The following CALN1 variants were observed in gnomAD, a reference collection of about 807,000 sequenced individuals.
CALN1 encodes the protein calneuron 1.
In CALN1, 17 loss-of-function variants were observed where a neutral mutation model predicts 30.6. The ratio of observed to expected loss-of-function variants is 0.56; its 90% CI spans 0.38 to 0.83. The LOEUF (loss-of-function observed/expected upper bound fraction) is 0.83. Among genes scored for constraint, CALN1 ranks in the 40% least tolerant of loss-of-function variants. The pLI, the probability that CALN1 is intolerant of heterozygous loss-of-function variation, is 0.00. For missense variants in CALN1, 291 were observed against 354.9 expected, an observed-to-expected ratio of 0.82 and a Z score of 1.45; for synonymous variants, 156 against 131.4, an observed-to-expected ratio of 1.19 and a Z score of -1.28.
chr7:71,960,312 A>G (rs950384196), intron 5 of CALN1, among the ~76,000 whole-genome samples: 2 of 152,134 alleles, frequency 1.3e-5, no homozygotes, highest in Admixed American at 1.3e-4. Context: ...AATTTTTCAA[A>G]TCTTACTTCC....
intron 3 of CALN1, among the ~76,000 whole-genome samples, chr7:72,207,998 CAA>C (rs1792018166): frequency 6.6e-6 from 1 of 152,122 alleles, no homozygotes; most frequent in Non-Finnish European, 1.5e-5. Flanking sequence ...ATTTTCTTAT[CAA>C]TGTATTGTTA....
intron 2 of CALN1, among the ~76,000 whole-genome samples, chr7:72,331,293 T>C (rs1382099721): frequency 1.3e-5 from 2 of 151,538 alleles, no homozygotes; most frequent in African/African-American, 2.4e-5. Context: ...GAAGTTGCAG[T>C]GAGCCGAGAT....
intron 1 of CALN1, among the ~76,000 whole-genome samples, chr7:72,431,066 A>G (rs1387881236): frequency 6.9e-6 from 1 of 143,950 alleles, no homozygotes; most frequent in Non-Finnish European, 1.5e-5. Context: ...AGTAGCTGGG[A>G]TTACAGGCCT....
chr7:72,052,508 G>A (rs1802902012), intron 4 of CALN1, among the ~76,000 whole-genome samples: 1 of 152,080 alleles, frequency 6.6e-6, no homozygotes, highest in Admixed American at 6.6e-5. Context: ...AAGAAAATCT[G>A]CTCTATAGCC....
At chr7:72,119,892 A>C (rs1808257213) in intron 3 of CALN1, among the ~76,000 whole-genome samples, 1 of 152,228 alleles carries the variant, frequency 6.6e-6, no homozygotes, top group Non-Finnish European at 1.5e-5. Flanking sequence ...GATTTGGGTG[A>C]GGACACAGCC....
At chr7:72,000,779 A>C (rs1799487441) in intron 5 of CALN1, among the ~76,000 whole-genome samples, 1 of 152,224 alleles carries the variant, frequency 6.6e-6, no homozygotes, top group Admixed American at 6.5e-5. Flanking sequence ...CTTAGATGTA[A>C]GAATCTTAAC....
At chr7:71,830,808 T>C (rs541432643) in intron 5 of CALN1, among the ~76,000 whole-genome samples, 1 of 152,336 alleles carries the variant, frequency 6.6e-6, no homozygotes, top group African/African-American at 2.4e-5. Context: ...GTTTACAACA[T>C]GTGGTTGTTA....
At position 72,083,462 on chromosome 7, in the gene CALN1, T is replaced by C. The variant is rs117365315; in HGVS notation, c.388+22689A>G. ...AGCCAGGTGAGGTGGCATGTGCCTG[T>C]AATCCTAGTGCTTTGTAAGGCCGAG... On this transcript the variant is annotated intron_variant, in intron 4 of 6. Coordinates refer to ENST00000395275, the MANE Select transcript of CALN1 (RefSeq NM_031468.4). 8.9e-3 allele frequency among the ~76,000 whole-genome samples: 1,358 copies of C among 152,270 alleles called. 8 individuals are homozygous for C. Among genetic ancestry groups the C allele is most frequent in the Middle Eastern group, 0.017 (5 of 294 alleles).
chr7:71,781,019 C>G lies in CALN1; in HGVS notation c.*6756G>C, dbSNP rs1415863477. 1 of 152,210 alleles carries G rather than the reference C, an allele frequency of 6.6e-6. No homozygotes were observed. Among genetic ancestry groups the G allele is most frequent in the Non-Finnish European group, 1.5e-5 (1 of 68,046 alleles). 9.4% of individuals were successfully genotyped at this position (152,210 alleles called of 1,614,324 possible). On this transcript the variant is annotated 3_prime_UTR_variant, in exon 7 of 7. Coordinates refer to ENST00000395275, the MANE Select transcript of CALN1 (RefSeq NM_031468.4). ...CAATTTGCATTGTTTCATTTACAGA[C>G]AGCGGACACCAAAAGAGAGACTTTA...
the CALN1 span, among the ~76,000 whole-genome samples, chr7:72,499,869 CTT>C: frequency 1.6e-5 from 1 of 61,836 alleles, no homozygotes; most frequent in African/African-American, 9.1e-5. Flanking sequence ...TTCTTTCTTT[CTT>C]TCTTTCTTTC....
At chr7:72,174,810 T>C (rs1172769253) in intron 3 of CALN1, among the ~76,000 whole-genome samples, 2 of 152,198 alleles carry the variant, frequency 1.3e-5, no homozygotes, top group African/African-American at 4.8e-5. Flanking sequence ...GATGGAAATC[T>C]TTGGTCTCTT....
chr7:72,431,572 C>T (rs1807980058), intron 1 of CALN1, among the ~76,000 whole-genome samples: 1 of 152,182 alleles, frequency 6.6e-6, no homozygotes, highest in African/African-American at 2.4e-5. Context: ...GGTGCAGTGG[C>T]TCATGCCTAT....
intron 2 of CALN1, among the ~76,000 whole-genome samples, chr7:72,396,129 GT>G (rs1364555691): frequency 6.7e-6 from 1 of 149,984 alleles, no homozygotes; most frequent in African/African-American, 2.5e-5. Context: ...CGGGCACAGT[GT>G]CTCAAGCCTG....
intron 3 of CALN1, among the ~76,000 whole-genome samples, chr7:72,158,498 G>T (rs1210177243): frequency 6.6e-6 from 1 of 152,172 alleles, no homozygotes; most frequent in Non-Finnish European, 1.5e-5. Context: ...ACCAACAGCT[G>T]AAAATGCCAG....
At chr7:71,808,009 G>A (rs1378099374) in intron 6 of CALN1, among the ~76,000 whole-genome samples, 2 of 152,240 alleles carry the variant, frequency 1.3e-5, no homozygotes, top group South Asian at 2.1e-4. Flanking sequence ...GGGAAGCAGA[G>A]GTTGCAGTGA....
intron 6 of CALN1, among the ~76,000 whole-genome samples, chr7:71,808,638 T>A (rs184513309): frequency 6.6e-6 from 1 of 152,150 alleles, no homozygotes; most frequent in South Asian, 2.1e-4. Context: ...TATTTCCCAG[T>A]ATAGCCTGAC....
At chr7:72,014,085 C>CTTTTTT (rs71092941) in intron 5 of CALN1, among the ~76,000 whole-genome samples, 2 of 123,402 alleles carry the variant, frequency 1.6e-5, no homozygotes, top group African/African-American at 3.0e-5. Context: ...TGAGTTGGCT[C>CTTTTTT]TTTTTTTTTT....
intron 3 of CALN1, among the ~76,000 whole-genome samples, chr7:72,108,849 G>C (rs919533688): frequency 6.6e-6 from 1 of 152,152 alleles, no homozygotes; most frequent in Non-Finnish European, 1.5e-5. Flanking sequence ...CTTGGACTTT[G>C]GGAGTAAGTT....
intron 2 of CALN1, among the ~76,000 whole-genome samples, chr7:72,401,950 C>T (rs886918637): frequency 1.1e-4 from 16 of 152,160 alleles, no homozygotes; most frequent in African/African-American, 2.4e-4. Flanking sequence ...TTTCATTTAT[C>T]CTAGGCTGGT....
Sources: allele counts gnomAD v4.1 joint callset (sites outside exome capture counted in the v4.1 genomes callset), GRCh38; gene constraint gnomAD v4.1.1; transcripts MANE v1.5; gene names NCBI Gene and HGNC (gene_info 2026-07-23, HGNC 2026-07-21).